The following BCAS3 variants were observed in gnomAD, a reference collection of about 807,000 sequenced individuals.
The protein encoded by BCAS3 is BCAS3 microtubule associated cell migration factor.
A neutral mutation model predicts 116.1 loss-of-function variants in BCAS3; 53 were observed. That is an observed-to-expected ratio of 0.46 (90% CI 0.37 to 0.57). The LOEUF is 0.57. Ranked by LOEUF, BCAS3 falls within the 20% of genes least tolerant of loss-of-function variation. The probability of loss-of-function intolerance (pLI) is 0.00; values close to 1 mark genes in which losing one functional copy is unlikely to be tolerated. For missense variants in BCAS3, 917 were observed against 1,165.4 expected, an observed-to-expected ratio of 0.79 and a Z score of 3.10; for synonymous variants, 391 against 408.2, an observed-to-expected ratio of 0.96 and a Z score of 0.51.
chr17:60,789,150 A>G (rs972452427), intron 6 of BCAS3, among the ~76,000 whole-genome samples: 8 of 152,208 alleles, frequency 5.3e-5, no homozygotes, highest in Non-Finnish European at 1.2e-4. Flanking sequence ...TTTGCATAAA[A>G]TCTTCACATT....
intron 22 of BCAS3, among the ~76,000 whole-genome samples, chr17:61,245,890 C>A (rs1164027367): frequency 6.6e-6 from 1 of 152,202 alleles, no homozygotes; most frequent in Non-Finnish European, 1.5e-5. Flanking sequence ...TGATGGGCAG[C>A]TCTTCAGAAT....
At chr17:60,996,122 G>A (rs1406343969) in intron 15 of BCAS3, among the ~76,000 whole-genome samples, 2 of 152,106 alleles carry the variant, frequency 1.3e-5, no homozygotes, top group Non-Finnish European at 2.9e-5. Flanking sequence ...GAGGGCAGAT[G>A]ATTGTTAGCC....
At chr17:60,799,002 C>T (rs181609659) in intron 6 of BCAS3, among the ~76,000 whole-genome samples, 5 of 152,222 alleles carry the variant, frequency 3.3e-5, no homozygotes, top group African/African-American at 1.2e-4. Flanking sequence ...AGGTCTTTTG[C>T]CCATAGTGTT....
intron 6 of BCAS3, among the ~76,000 whole-genome samples, chr17:60,794,072 G>GT (rs924662496): frequency 5.3e-5 from 8 of 152,070 alleles, no homozygotes; most frequent in African/African-American, 1.9e-4. Context: ...AACATCTACT[G>GT]TTTTTTGATT....
At position 60,923,410 on chromosome 17, in the gene BCAS3, A is replaced by G. The variant is rs536329628; in HGVS notation, c.994-997A>G. 5.3e-4 allele frequency among the ~76,000 whole-genome samples: 80 copies of G among 152,304 alleles called. 3 individuals are homozygous for G. In the South Asian group the frequency reaches 0.016, roughly 30 times the overall value. On this transcript the variant is annotated intron_variant, in intron 12 of 23. Coordinates refer to ENST00000407086, the MANE Select transcript of BCAS3 (RefSeq NM_017679.5). ...CATTGTTTTTTTGGGCTGTATTTGC[A>G]TATATGTTGTAACTGATAAAATAAC...
chr17:60,748,402 CAATT>C (rs945407208), intron 6 of BCAS3, among the ~76,000 whole-genome samples: 2 of 152,334 alleles, frequency 1.3e-5, no homozygotes, highest in East Asian at 1.9e-4. Flanking sequence ...CTTTCTCACA[CAATT>C]GATTGTGCTG....
chr17:61,274,107 C>G (rs572534886), intron 22 of BCAS3, among the ~76,000 whole-genome samples: 11 of 150,990 alleles, frequency 7.3e-5, no homozygotes, highest in South Asian at 4.2e-4. Flanking sequence ...TATCCCTCCC[C>G]ACTCCCCCCA....
intron 5 of BCAS3, among the ~76,000 whole-genome samples, chr17:60,728,900 A>C (rs1342704121): frequency 6.6e-6 from 1 of 152,216 alleles, no homozygotes; most frequent in Non-Finnish European, 1.5e-5. Flanking sequence ...GTATGTCTGT[A>C]AGCATGCTTG....
chr17:61,154,371 T>C (rs1313477031), intron 22 of BCAS3, among the ~76,000 whole-genome samples: 2 of 151,984 alleles, frequency 1.3e-5, no homozygotes, highest in East Asian at 3.9e-4. Flanking sequence ...CTCGGAGGGA[T>C]TTTCTTTGCA....
chr17:60,774,338 C>G (rs1289271086), intron 6 of BCAS3, among the ~76,000 whole-genome samples: 2 of 152,192 alleles, frequency 1.3e-5, no homozygotes, highest in African/African-American at 4.8e-5. Flanking sequence ...AGAGATCTTC[C>G]ATGTGCCTGG....
At chr17:61,120,340 A>T (rs908875992) in intron 22 of BCAS3, among the ~76,000 whole-genome samples, 1 of 152,132 alleles carries the variant, frequency 6.6e-6, no homozygotes, top group African/African-American at 2.4e-5. Context: ...GGAGAAATTT[A>T]AATAAAAATG....
chr17:60,866,757 C>T (rs2054629453), intron 7 of BCAS3, among the ~76,000 whole-genome samples: 1 of 151,998 alleles, frequency 6.6e-6, no homozygotes, highest in South Asian at 2.1e-4. Context: ...CAGAATATTT[C>T]CTGTTTCCTT....
intron 4 of BCAS3, among the ~76,000 whole-genome samples, chr17:60,693,781 T>C (rs2035196374): frequency 6.6e-6 from 1 of 151,792 alleles, no homozygotes; most frequent in African/African-American, 2.4e-5. Context: ...CAGGCCCTTT[T>C]TTTCAGTTGC....
intron 22 of BCAS3, among the ~76,000 whole-genome samples, chr17:61,164,447 G>A (rs2078362392): frequency 6.6e-6 from 1 of 151,970 alleles, no homozygotes; most frequent in Admixed American, 6.5e-5. Context: ...TTGAGGACAG[G>A]AGTTAGAGAC....
At chr17:61,358,109 G>A (rs1214392248) in intron 22 of BCAS3, among the ~76,000 whole-genome samples, 3 of 151,574 alleles carry the variant, frequency 2.0e-5, no homozygotes, top group African/African-American at 7.3e-5. Flanking sequence ...AAAATTGTGG[G>A]AAACATATAG....
chr17:60,946,591 T>A (rs975198627), intron 13 of BCAS3, among the ~76,000 whole-genome samples: 2 of 152,108 alleles, frequency 1.3e-5, no homozygotes, highest in African/African-American at 4.8e-5. Flanking sequence ...ATGGGGGGTA[T>A]GTCATTTTCA....
At chr17:60,802,295 A>AAAAATATATATATAT (rs1299403402) in intron 6 of BCAS3, among the ~76,000 whole-genome samples, 2 of 127,946 alleles carry the variant, frequency 1.6e-5, no homozygotes, top group African/African-American at 7.3e-5. Context: ...AAAAAAAAAA[A>AAAAATATATATATAT]ATATATATAT....
intron 22 of BCAS3, among the ~76,000 whole-genome samples, chr17:61,166,819 A>G (rs1430523477): frequency 1.3e-5 from 2 of 152,138 alleles, no homozygotes; most frequent in African/African-American, 4.8e-5. Context: ...GGGTAGAGTC[A>G]TCCTCCCACT....
rs2081618129 is a variant in BCAS3, at chr17:61,213,940, A to C, written c.2425+129376A>C. On this transcript the variant is annotated intron_variant, in intron 22 of 23. Transcript: ENST00000407086. This position sits in a 1 kb window ranked among gnomAD's most constrained non-coding sequence, Gnocchi z 5.4. ...AGAAATGTAGTGCAGAGGGAAGACAAGTGAGGAATTATGGCAGCCAAATGT... is the reference window on the plus strand; with the variant it reads ...AGAAATGTAGTGCAGAGGGAAGACACGTGAGGAATTATGGCAGCCAAATGT... Among the ~76,000 whole-genome samples, 1 of 152,154 alleles carries C rather than the reference A, an allele frequency of 6.6e-6. No individual in the cohort carries two copies. Among genetic ancestry groups the C allele is most frequent in the Non-Finnish European group, 1.5e-5 (1 of 68,034 alleles).
Sources: gnomAD v4.1 joint callset for allele counts (sites outside exome capture counted in the v4.1 genomes callset) on GRCh38, gnomAD v4.1.1 for gene constraint, Gnocchi (gnomAD v3.1) non-coding constraint, MANE v1.5 for transcripts, NCBI Gene and HGNC (gene_info 2026-07-23, HGNC 2026-07-21) for gene names.